AHCY: variants seen among roughly 807,000 people sequenced by gnomAD.
AHCY encodes the protein adenosylhomocysteinase, also known as S-adenosyl-L-homocysteine hydrolase.
In AHCY, 24 loss-of-function variants were observed where a neutral mutation model predicts 45.4. The ratio of observed to expected loss-of-function variants is 0.53; its 90% CI spans 0.38 to 0.74. The LOEUF is 0.74. Ranked by LOEUF, AHCY falls within the 30% of genes least tolerant of loss-of-function variation. The pLI is 0.00. For synonymous variants in AHCY, 245 were observed against 235.1 expected (o/e 1.04, Z -0.39); for missense variants, 449 against 594.1 (o/e 0.76, Z 2.54).
chr20:34,297,619 A>G (rs955640442), intron 1 of AHCY, among the ~76,000 whole-genome samples: 2 of 152,084 alleles, frequency 1.3e-5, no homozygotes, highest in Non-Finnish European at 2.9e-5. Context: ...TATTAAGACC[A>G]TAAAAGACAC....
chr20:34,258,769 AATATATATAGT>A, the AHCY span, among the ~76,000 whole-genome samples: 1 of 96,324 alleles, frequency 1.0e-5, no homozygotes. Context: ...TGATATATAT[AATATATATAGT>A]ATATATATAG....
downstream of AHCY, among the ~76,000 whole-genome samples, chr20:34,279,845 C>T (rs1379630841): frequency 2.0e-5 from 3 of 152,038 alleles, no homozygotes; most frequent in South Asian, 2.1e-4. Context: ...TGCAAACAGC[C>T]GGGCACAGTG....
chr20:34,292,089 C>T (rs566222201), intron 4 of AHCY, among the ~76,000 whole-genome samples: 76 of 152,358 alleles, frequency 5.0e-4, no homozygotes, highest in African/African-American at 1.6e-3. Context: ...ACTCTGCGTA[C>T]CTGCTTTGAA....
At chr20:34,267,980 G>A in the AHCY span, among the ~76,000 whole-genome samples, 1 of 152,016 alleles carries the variant, frequency 6.6e-6, no homozygotes, top group East Asian at 1.9e-4. Context: ...TTGAAATCTG[G>A]TGCATAGTTT....
Position 34,280,824 on chromosome 20 carries a change from C to T in AHCY, c.*210G>A. 1.5e-6 allele frequency: 1 copy of T among 679,600 alleles called. No individual in the cohort carries two copies. Among genetic ancestry groups the T allele is most frequent in the East Asian group, 2.9e-5 (1 of 34,622 alleles). 42.1% of individuals were successfully genotyped at this position (679,600 alleles called of 1,614,324 possible). A position where few individuals can be genotyped will look rare whatever the true frequency, so the allele number is the denominator to read the frequency against. ...CCTGTGGCTGGGACCTCCATCATGACCGGGGCTTGAAGAGGGTACTCTGTT... is the reference window on the plus strand; with the variant it reads ...CCTGTGGCTGGGACCTCCATCATGATCGGGGCTTGAAGAGGGTACTCTGTT... On this transcript the variant is annotated 3_prime_UTR_variant, in exon 10 of 10. Coordinates refer to ENST00000217426, the MANE Select transcript of AHCY (RefSeq NM_000687.4).
chr20:34,291,068 C>A, intron 5 of AHCY, 130 bp from the exon 6 acceptor site: 1 of 821,698 alleles, frequency 1.2e-6, no homozygotes, highest in Non-Finnish European at 2.0e-6. Context: ...GGGCTGAACC[C>A]CTCCAGCACC....
At chr20:34,308,655 AT>A (rs745327223) in intron 1 of AHCY, among the ~76,000 whole-genome samples, 623 of 142,260 alleles carry the variant, frequency 4.4e-3, no homozygotes, top group Admixed American at 4.5e-3. Context: ...TAATTTGGCA[AT>A]TTTTTTTTTT....
the AHCY span, among the ~76,000 whole-genome samples, chr20:34,242,630 C>A: frequency 6.6e-6 from 1 of 152,230 alleles, no homozygotes; most frequent in African/African-American, 2.4e-5. Context: ...AAAACACTTT[C>A]ATAAATGTCT....
At chr20:34,239,155 A>G in the AHCY span, among the ~76,000 whole-genome samples, 4 of 149,606 alleles carry the variant, frequency 2.7e-5, no homozygotes, top group African/African-American at 9.9e-5. Flanking sequence ...ACTTAGTTCC[A>G]CTCCCATCCC....
the AHCY span, among the ~76,000 whole-genome samples, chr20:34,240,533 A>T: frequency 6.6e-6 from 1 of 152,204 alleles, no homozygotes. Context: ...TGAAATCTGA[A>T]AATTATGAGA....
chr20:34,268,345 T>A, the AHCY span, among the ~76,000 whole-genome samples: 4 of 152,184 alleles, frequency 2.6e-5, no homozygotes, highest in Non-Finnish European at 5.9e-5. Context: ...GGCAGCGAAG[T>A]TAACAGGGGT....
At chr20:34,300,260 C>A (rs1034033508) in intron 1 of AHCY, among the ~76,000 whole-genome samples, 2 of 152,220 alleles carry the variant, frequency 1.3e-5, no homozygotes, top group African/African-American at 4.8e-5. Flanking sequence ...TGGTCCCATG[C>A]TCTAACATGC....
intron 2 of AHCY, 129 bp downstream of exon 2, chr20:34,295,266 G>C: frequency 8.9e-7 from 1 of 1,121,278 alleles, no homozygotes; most frequent in Non-Finnish European, 1.3e-6. Flanking sequence ...CCGAGTGAGA[G>C]GGAGGAACCC....
the AHCY span, among the ~76,000 whole-genome samples, chr20:34,256,393 C>T: frequency 3.3e-5 from 5 of 152,178 alleles, no homozygotes; most frequent in Middle Eastern, 3.2e-3. Context: ...TTTATTTCTA[C>T]GATCTCTCGT....
rs2036551983 is a variant in AHCY, at chr20:34,295,566, G to C, written c.48C>G (p.Ala16=). ...CAATGTCCAGGGCCTTGCGTCCCCA[G>C]GCAGCCAGGCCGATGTCGGCTACGG... ...PYKVADIGLA[A]WGRKALDIAE... is the part of the protein sequence containing the mutation. The change falls in exon 2 of 10, where the codon GCC becomes GCG. Residue 16 remains alanine, a synonymous_variant. Transcript: ENST00000217426. 1 of 1,614,130 alleles carries C rather than the reference G, an allele frequency of 6.2e-7. No homozygotes were observed. The highest frequency in any genetic ancestry group is 1.3e-5 in the African/African-American group (1 of 75,056).
chr20:34,305,691 C>G (rs905939454), upstream of AHCY, among the ~76,000 whole-genome samples: 3 of 152,182 alleles, frequency 2.0e-5, no homozygotes, highest in African/African-American at 7.2e-5. Flanking sequence ...AAGGACACAG[C>G]TGACAGGTCT....
the AHCY span, among the ~76,000 whole-genome samples, chr20:34,236,301 A>G: frequency 6.6e-6 from 1 of 152,180 alleles, no homozygotes; most frequent in Non-Finnish European, 1.5e-5. Context: ...GCACTTTGGG[A>G]GGCCGAAGCG....
the AHCY span, chr20:34,241,479 C>T: frequency 4.8e-4 from 470 of 985,298 alleles, no homozygotes; most frequent in Non-Finnish European, 5.3e-4. Flanking sequence ...GGGCTCTTTG[C>T]GGGAAAGCAT....
chr20:34,310,531 C>T (rs1487327052), intron 1 of AHCY, among the ~76,000 whole-genome samples: 4 of 152,290 alleles, frequency 2.6e-5, no homozygotes, highest in African/African-American at 4.8e-5. Flanking sequence ...GATTACAAAC[C>T]CGCATGCCCT....
Sources: allele counts gnomAD v4.1 joint callset (sites outside exome capture counted in the v4.1 genomes callset), GRCh38; gene constraint gnomAD v4.1.1; transcripts MANE v1.5; gene names NCBI Gene and HGNC (gene_info 2026-07-23, HGNC 2026-07-21).